Variants in HNRNPLL observed in about 807,000 individuals in gnomAD.
HNRNPLL encodes the protein heterogeneous nuclear ribonucleoprotein L-like.
A neutral mutation model predicts 67.1 loss-of-function variants in HNRNPLL; 25 were observed. That is an observed-to-expected ratio of 0.37 (90% confidence interval 0.27 to 0.52). The LOEUF (loss-of-function observed/expected upper bound fraction) is 0.52. Ranked by LOEUF, HNRNPLL falls within the 20% of genes least tolerant of loss-of-function variation. The probability of loss-of-function intolerance (pLI) is 0.90; values close to 1 mark genes in which losing one functional copy is unlikely to be tolerated. For synonymous variants in HNRNPLL, 267 were observed against 241.7 expected (o/e 1.10, Z -0.97); for missense variants, 542 against 673.9 (o/e 0.80, Z 2.17).
At chr2:38,594,587 T>C (rs1440317523) in intron 1 of HNRNPLL, among the ~76,000 whole-genome samples, 1 of 152,224 alleles carries the variant, frequency 6.6e-6, no homozygotes, top group Non-Finnish European at 1.5e-5. Flanking sequence ...GAACATTTTA[T>C]ATAATAAAAA....
At chr2:38,593,615 C>A (rs1015341295) in intron 1 of HNRNPLL, among the ~76,000 whole-genome samples, 16 of 152,116 alleles carry the variant, frequency 1.1e-4, no homozygotes, top group Non-Finnish European at 1.5e-4. Flanking sequence ...CTGGGCCAGA[C>A]GTGGTGGCTC....
At chr2:38,599,951 G>A (rs1667356502) in intron 1 of HNRNPLL, 1 of 468,568 alleles carries the variant, frequency 2.1e-6, no homozygotes, top group Non-Finnish European at 4.4e-6. Flanking sequence ...TGGGCTGAAG[G>A]ACCACTGAAG....
chr2:38,577,374 T>G, intron 7 of HNRNPLL, 87 bp downstream of exon 7: 2 of 859,416 alleles, frequency 2.3e-6, no homozygotes, highest in Non-Finnish European at 4.0e-6. Flanking sequence ...GCAGGAAAAA[T>G]AGACAAGAAA....
Position 38,595,988 on chromosome 2 carries a change from G to A in HNRNPLL, c.190-4340C>T, listed in dbSNP as rs183213455. Among the ~76,000 whole-genome samples the A allele has an allele frequency of 4.7e-4, 71 of 151,806 alleles. 2 individuals are homozygous for A. In the East Asian group the frequency reaches 8.1e-3, roughly 17 times the overall value. ...CACTCAATGAATCTGCCATTCATAA[G>A]TTTATTTACCTGGATATTTCTATTT... On this transcript the variant is annotated intron_variant, in intron 1 of 12. Transcript: ENST00000449105.
intron 4 of HNRNPLL, among the ~76,000 whole-genome samples, chr2:38,583,265 A>G (rs777624751): frequency 9.9e-5 from 15 of 152,226 alleles, no homozygotes; most frequent in Non-Finnish European, 1.5e-4. Flanking sequence ...GCCAGAAGTA[A>G]GCACTATTAA....
In HNRNPLL at chr2:38,602,906, C is replaced by T. The variant is rs746913248; in HGVS notation, c.-280G>A. 6.5e-7 allele frequency: 1 copy of T among 1,533,304 alleles called. No individual in the cohort carries two copies. The highest frequency in any genetic ancestry group is 1.4e-5 in the African/African-American group (1 of 72,450). The allele number at this position is 1,533,304 out of a possible 1,614,324, so 95.0% of individuals were successfully genotyped here. On this transcript the variant is annotated 5_prime_UTR_variant, in exon 1 of 13. Transcript: ENST00000449105. ...CCTCCTCCTCCGTCTCCGCTCCCTG[C>T]CCGGAGGAGCGAATCTAAGGATGGG... is the stretch of plus-strand genomic sequence containing the variant.
intron 11 of HNRNPLL, 25 bp from the exon 12 acceptor site, chr2:38,568,322 G>C (rs763201801): frequency 6.2e-7 from 1 of 1,606,492 alleles, no homozygotes; most frequent in East Asian, 2.2e-5. Flanking sequence ...CACAAACTCA[G>C]TTATTATTAC....
Position 38,581,996 on chromosome 2 carries a change from T to C in HNRNPLL, c.730-11A>G. The C allele has an allele frequency of 6.2e-7, 1 of 1,609,410 alleles. No individual in the cohort carries two copies. Among genetic ancestry groups the C allele is most frequent in the South Asian group, 1.1e-5 (1 of 90,976 alleles). On this transcript the variant is annotated splice_polypyrimidine_tract_variant and intron_variant, in intron 5 of 12. Transcript: ENST00000449105. ...ATTTAGACGAGTTGGCTGTTAAGAT[T>C]GAAAATAATGTAAGTTCAAACTGCA...
In HNRNPLL at chr2:38,602,268, G is replaced by A. The variant is rs192054340; in HGVS notation, c.189+170C>T. On this transcript the variant is annotated intron_variant, in intron 1 of 12. Coordinates refer to ENST00000449105, the MANE Select transcript of HNRNPLL (RefSeq NM_138394.4). ...GCGCCGGGTTCGCAGTCGGGATGCG[G>A]GAAACAGGTAGAGGCCAGAATACGA... 3.3e-3 allele frequency: 2,059 copies of A among 619,592 alleles called. 36 individuals carry two copies. The African/African-American group carries it at 0.037, about 11-fold the overall frequency. The allele number at this position is 619,592 out of a possible 1,614,324, so 38.4% of individuals were successfully genotyped here.
rs771501973 is a variant in HNRNPLL at position 38,581,983 on chromosome 2, T to A, written c.732A>T (p.Pro244=). Residue 244 remains proline (P), a splice_region_variant and synonymous_variant, in exon 6 of 13, where the codon CCA becomes CCT. Coordinates refer to ENST00000449105, the MANE Select transcript of HNRNPLL (RefSeq NM_138394.4). ...CATTCCTAATAACATTTAGACGAGT[T>A]GGCTGTTAAGATTGAAAATAATGTA... ...CCTLKIEYAR[P]TRLNVIRNDN... The A allele has an allele frequency of 1.7e-5, 27 of 1,611,684 alleles. No individual in the cohort carries two copies. The South Asian group carries it at 2.9e-4, about 17-fold the overall frequency.
In HNRNPLL at chr2:38,602,613, G is replaced by A. The variant is rs935944336; in HGVS notation, c.14C>T (p.Ser5Phe). Residue 5 changes from serine to phenylalanine, a missense_variant, in exon 1 of 13, where the codon TCT becomes TTT. By Grantham distance (155) the Ser-to-Phe change is radical (BLOSUM62 -2). Coordinates refer to ENST00000449105, the MANE Select transcript of HNRNPLL (RefSeq NM_138394.4). ...CTCGTACGTCTCCCTGGGGGAGGAAGAGGAGGAGGACATGGCGGCGGCCGG... is the reference window on the plus strand; with the variant it reads ...CTCGTACGTCTCCCTGGGGGAGGAAAAGGAGGAGGACATGGCGGCGGCCGG... MSSS[S>F]SSPRETYEED... The A allele has an allele frequency of 4.5e-6, 7 of 1,556,726 alleles. No homozygotes were observed. The African/African-American group carries it at 5.6e-5, about 12-fold the overall frequency.
intron 6 of HNRNPLL, chr2:38,581,050 AAAAGT>A (rs1666510490): frequency 1.3e-5 from 2 of 152,244 alleles, no homozygotes; most frequent in Admixed American, 1.3e-4. Context: ...AAAAAATTTA[AAAAGT>A]AAACAATGCA....
chr2:38,593,563 G>T (rs920998046), intron 1 of HNRNPLL, among the ~76,000 whole-genome samples: 1 of 152,160 alleles, frequency 6.6e-6, no homozygotes, highest in Non-Finnish European at 1.5e-5. Context: ...ACCAGTGGAG[G>T]GAAGATTCTA....
intron 1 of HNRNPLL, among the ~76,000 whole-genome samples, chr2:38,595,771 G>C (rs530661908): frequency 2.6e-5 from 4 of 152,286 alleles, no homozygotes; most frequent in South Asian, 2.1e-4. Flanking sequence ...GTGAACCCGG[G>C]AGGCAGAGCT....
intron 12 of HNRNPLL, 144 bp downstream of exon 12, chr2:38,568,055 A>C (rs1665939936): frequency 3.4e-6 from 2 of 589,068 alleles, no homozygotes; most frequent in East Asian, 2.9e-5. Context: ...GATAACTAAT[A>C]CAGGAATTAA....
chr2:38,584,181 C>A (rs954106328), intron 3 of HNRNPLL, among the ~76,000 whole-genome samples: 1 of 152,218 alleles, frequency 6.6e-6, no homozygotes, highest in African/African-American at 2.4e-5. Flanking sequence ...CCGCCTCAGC[C>A]TCCCGAGTAG....
In HNRNPLL at chr2:38,594,939, C is replaced by CA. The variant is rs947830398; in HGVS notation, c.190-3292dup. On this transcript the variant is annotated intron_variant, in intron 1 of 12. Transcript: ENST00000449105. ...AGCCTGGGCAACAGAGCCTCCATCT[C>CA]AAAAAAAAGAAATAACCATGTACCC... Among the ~76,000 whole-genome samples, 7 of 149,636 alleles carry CA rather than the reference C, an allele frequency of 4.7e-5. No homozygotes were observed. The East Asian group carries it at 7.9e-4, about 17-fold the overall frequency.
At chr2:38,566,460 CAAATT>C (rs1665865601) in intron 12 of HNRNPLL, among the ~76,000 whole-genome samples, 2 of 150,432 alleles carry the variant, frequency 1.3e-5, no homozygotes, top group Non-Finnish European at 3.0e-5. Context: ...TGACTTGACA[CAAATT>C]AAAACAACCA....
At chr2:38,586,858 A>G (rs1467608185) in intron 2 of HNRNPLL, among the ~76,000 whole-genome samples, 2 of 152,180 alleles carry the variant, frequency 1.3e-5, no homozygotes, top group South Asian at 2.1e-4. Flanking sequence ...ACCCCAAAAT[A>G]TAATACAGTA....
Sources: allele counts gnomAD v4.1 joint callset (sites outside exome capture counted in the v4.1 genomes callset), GRCh38; gene constraint gnomAD v4.1.1; transcripts MANE v1.5; gene names NCBI Gene and HGNC (gene_info 2026-07-23, HGNC 2026-07-21).